Variants in RAB38 observed in about 807,000 individuals in gnomAD.
RAB38 encodes the protein ras-related protein Rab-38.
RAB38 carries 15 observed loss-of-function variants against 18.4 expected under a neutral mutation model. That is an observed-to-expected ratio of 0.82 (90% CI 0.55 to 1.26). The LOEUF is 1.26. RAB38 is among the 50% of genes most tolerant of loss of function. The pLI is 0.00. For synonymous variants in RAB38, 101 were observed against 104.4 expected, an observed-to-expected ratio of 0.97 and a Z score of 0.20; for missense variants, 294 against 267.4, an observed-to-expected ratio of 1.10 and a Z score of -0.69.
chr11:87,876,312 A>G, the RAB38 span, among the ~76,000 whole-genome samples: 1 of 151,562 alleles, frequency 6.6e-6, no homozygotes, highest in South Asian at 2.1e-4. Flanking sequence ...TCTGGGCATG[A>G]TGATGACTCC....
the RAB38 span, among the ~76,000 whole-genome samples, chr11:88,040,718 C>CAACAACAACA: frequency 1.3e-5 from 2 of 150,478 alleles, no homozygotes; most frequent in African/African-American, 4.9e-5. Context: ...ACAACAACAA[C>CAACAACAACA]AACAACAACA....
intron 1 of RAB38, among the ~76,000 whole-genome samples, chr11:88,157,614 G>A (rs1039706987): frequency 1.6e-4 from 25 of 151,886 alleles, no homozygotes; most frequent in Admixed American, 1.2e-3. Context: ...CAATCAATTC[G>A]AAAAAAATTG....
the RAB38 span, among the ~76,000 whole-genome samples, chr11:88,078,809 T>C: frequency 6.6e-6 from 1 of 151,886 alleles, no homozygotes; most frequent in Non-Finnish European, 1.5e-5. Flanking sequence ...TCGTGTTTGA[T>C]ATAGCAGTAG....
the RAB38 span, among the ~76,000 whole-genome samples, chr11:88,044,299 T>A: frequency 6.6e-6 from 1 of 151,982 alleles, no homozygotes; most frequent in Non-Finnish European, 1.5e-5. Context: ...CCCGACCCCT[T>A]CTCTCCGTGT....
the RAB38 span, among the ~76,000 whole-genome samples, chr11:87,931,858 C>T: frequency 4.6e-5 from 7 of 151,524 alleles, no homozygotes; most frequent in Admixed American, 2.6e-4. Flanking sequence ...CTCTGACTAA[C>T]GAAGCAGCAC....
At chr11:88,075,537 G>A in the RAB38 span, among the ~76,000 whole-genome samples, 9 of 152,122 alleles carry the variant, frequency 5.9e-5, no homozygotes, top group African/African-American at 9.7e-5. Flanking sequence ...TATAGCAAAC[G>A]TAGTACTAAG....
At chr11:87,869,648 T>C in the RAB38 span, among the ~76,000 whole-genome samples, 1 of 151,680 alleles carries the variant, frequency 6.6e-6, no homozygotes, top group Non-Finnish European at 1.5e-5. Flanking sequence ...AGTTTTGAAC[T>C]GAAAAAAATA....
At chr11:88,129,724 A>G (rs2134793026) in intron 2 of RAB38, among the ~76,000 whole-genome samples, 2 of 152,344 alleles carry the variant, frequency 1.3e-5, no homozygotes, top group Middle Eastern at 6.8e-3. Context: ...AAGGACAAAT[A>G]TGGCTTAAAA....
At chr11:87,824,661 G>T in the RAB38 span, among the ~76,000 whole-genome samples, 10 of 152,072 alleles carry the variant, frequency 6.6e-5, no homozygotes, top group African/African-American at 1.2e-4. Context: ...TTACATAGAA[G>T]AATTGAAAGA....
chr11:88,123,961 T>C (rs189047750), intron 2 of RAB38, among the ~76,000 whole-genome samples: 26 of 152,330 alleles, frequency 1.7e-4, no homozygotes, highest in African/African-American at 2.4e-4. Flanking sequence ...TTTTTTCTTA[T>C]ATATGATTCT....
At chr11:88,134,307 C>T (rs1412097943) in intron 2 of RAB38, among the ~76,000 whole-genome samples, 2 of 152,162 alleles carry the variant, frequency 1.3e-5, no homozygotes, top group South Asian at 4.1e-4. Flanking sequence ...GTGGCGCAAT[C>T]TAGGCTCACT....
chr11:88,088,646 T>G, the RAB38 span, among the ~76,000 whole-genome samples: 2 of 152,064 alleles, frequency 1.3e-5, no homozygotes, highest in Admixed American at 6.6e-5. Flanking sequence ...GACCCCTGGT[T>G]TCCTGTCACG....
chr11:87,861,073 TCAG>T, the RAB38 span, among the ~76,000 whole-genome samples: 3 of 151,892 alleles, frequency 2.0e-5, no homozygotes, highest in African/African-American at 7.2e-5. Context: ...CCCAAAGAAA[TCAG>T]CAGTTTACAA....
chr11:88,088,852 C>T, the RAB38 span, among the ~76,000 whole-genome samples: 32,841 of 151,402 alleles, frequency 0.22, 4,426 homozygotes, highest in African/African-American at 0.37. Flanking sequence ...CAAGATATAT[C>T]GGGGAAAATA....
the RAB38 span, among the ~76,000 whole-genome samples, chr11:88,060,462 T>C: frequency 5.3e-5 from 8 of 152,200 alleles, no homozygotes; most frequent in Admixed American, 4.6e-4. Context: ...CTTTATTTTA[T>C]ATAGAGAGGT....
chr11:88,141,705 C>T (rs1015721840), intron 2 of RAB38, among the ~76,000 whole-genome samples: 1 of 152,172 alleles, frequency 6.6e-6, no homozygotes, highest in Non-Finnish European at 1.5e-5. Context: ...CTCTCTGTTT[C>T]CCCTCCACCT....
the RAB38 span, among the ~76,000 whole-genome samples, chr11:88,025,743 T>C: frequency 6.6e-6 from 1 of 152,210 alleles, no homozygotes; most frequent in East Asian, 1.9e-4. Flanking sequence ...TGTTCAATTA[T>C]TTAAATTCCT....
the RAB38 span, among the ~76,000 whole-genome samples, chr11:87,876,445 T>C: frequency 6.6e-6 from 1 of 151,586 alleles, no homozygotes; most frequent in South Asian, 2.1e-4. Flanking sequence ...AATTTTTGTA[T>C]ATCTAGTTCT....
At chr11:87,849,912 A>G in the RAB38 span, among the ~76,000 whole-genome samples, 1 of 152,116 alleles carries the variant, frequency 6.6e-6, no homozygotes, top group African/African-American at 2.4e-5. Flanking sequence ...GATGAGCTCA[A>G]ACTAGTTGTA....
Sources: gnomAD v4.1 joint callset for allele counts (sites outside exome capture counted in the v4.1 genomes callset) on GRCh38, gnomAD v4.1.1 for gene constraint, MANE v1.5 for transcripts, NCBI Gene and HGNC (gene_info 2026-07-23, HGNC 2026-07-21) for gene names.